The following ADAMTS20 variants were observed in gnomAD, a reference collection of about 807,000 sequenced individuals.
ADAMTS20 encodes the protein A disintegrin and metalloproteinase with thrombospondin motifs 20.
A neutral mutation model predicts 260.1 loss-of-function variants in ADAMTS20; 225 were observed. The ratio of observed to expected loss-of-function variants is 0.87; its 90% CI spans 0.78 to 0.97. The LOEUF (loss-of-function observed/expected upper bound fraction) is 0.97. ADAMTS20 is among the 50% of genes least tolerant of loss of function. The pLI, the probability that ADAMTS20 is intolerant of heterozygous loss-of-function variation, is 0.00. For synonymous variants in ADAMTS20, 802 were observed against 769.5 expected (o/e 1.04, Z -0.70); for missense variants, 2,400 against 2,337.7 (o/e 1.03, Z -0.55).
chr12:43,425,894 A>C (rs7132216), intron 27 of ADAMTS20, among the ~76,000 whole-genome samples: 32,435 of 152,012 alleles, frequency 0.21, 4,045 homozygotes, highest in African/African-American at 0.33. Flanking sequence ...CCTAGACAAA[A>C]AAATAAATCA....
At chr12:43,389,911 C>T (rs770111679) in intron 29 of ADAMTS20, among the ~76,000 whole-genome samples, 11 of 152,216 alleles carry the variant, frequency 7.2e-5, no homozygotes, top group Non-Finnish European at 1.6e-4. Flanking sequence ...GAAATTTAGG[C>T]GGAAGTTGCC....
At chr12:43,511,434 A>G (rs1008537124) in intron 3 of ADAMTS20, among the ~76,000 whole-genome samples, 4 of 152,046 alleles carry the variant, frequency 2.6e-5, no homozygotes, top group African/African-American at 9.7e-5. Flanking sequence ...GACTGAGAAC[A>G]CTGTTGGGCA....
At chr12:43,539,197 C>T (rs964533309) in intron 2 of ADAMTS20, among the ~76,000 whole-genome samples, 12 of 152,114 alleles carry the variant, frequency 7.9e-5, no homozygotes, top group Admixed American at 2.0e-4. Flanking sequence ...GTGATCCACC[C>T]GCCTTGGCCT....
intron 29 of ADAMTS20, among the ~76,000 whole-genome samples, chr12:43,395,677 CTT>C (rs5797860): frequency 0.11 from 10,127 of 90,860 alleles, 298 homozygotes; most frequent in Admixed American, 0.19. Context: ...GTGTGAGATT[CTT>C]TTTTTTTTTT....
intron 7 of ADAMTS20, among the ~76,000 whole-genome samples, chr12:43,482,949 G>C (rs1300374633): frequency 6.6e-6 from 1 of 152,142 alleles, no homozygotes; most frequent in Middle Eastern, 3.2e-3. Context: ...CACAACCTCA[G>C]CTGTCACCAC....
chr12:43,525,137 T>A (rs2137490144), intron 3 of ADAMTS20, among the ~76,000 whole-genome samples: 1 of 152,276 alleles, frequency 6.6e-6, no homozygotes, highest in South Asian at 2.1e-4. Flanking sequence ...GACAAAAGCA[T>A]CTGGGAACCT....
In ADAMTS20 at chr12:43,434,197, T is replaced by G. The variant is rs922596960; in HGVS notation, c.2720+48A>C. The G allele has an allele frequency of 3.3e-6, 5 of 1,515,096 alleles. No individual in the cohort carries two copies. The Admixed American group carries it at 1.0e-4, about 30-fold the overall frequency. The allele number at this position is 1,515,096 out of a possible 1,614,324, so 93.9% of individuals were successfully genotyped here. ...AGTCACTGTGTTAGACATTTTAATC[T>G]TAGCTCACTTATTAATCTGGTTATA... On this transcript the variant is annotated intron_variant, in intron 19 of 38. Transcript: ENST00000389420.
chr12:43,468,809 A>C (rs1942201641), intron 7 of ADAMTS20, 104 bp from the exon 8 acceptor site: 2 of 633,362 alleles, frequency 3.2e-6, no homozygotes, highest in Non-Finnish European at 5.4e-6. Flanking sequence ...TACTTAGAAA[A>C]GAATGCAGAA....
Position 43,502,177 on chromosome 12 carries a change from T to C in ADAMTS20, c.842A>G (p.Asn281Ser). The stretch of plus-strand genomic sequence containing the variant: ...AATTGACATTAGAGTCAGTATATAG[T>C]TTTGCAAATTCGATCCATGAGCAGA... Reference protein sequence around the residue: ...VVSAHGSNLQNYILTLMSIVA... With the variant: ...VVSAHGSNLQSYILTLMSIVA... The change falls in exon 4 of 39, where the codon AAC becomes AGC. Residue 281 changes from asparagine to serine, a missense_variant. Asn to Ser is a conservative substitution (Grantham distance 46). Coordinates refer to ENST00000389420, the MANE Select transcript of ADAMTS20 (RefSeq NM_025003.5). The C allele has an allele frequency of 1.2e-6, 2 of 1,604,786 alleles. No individual in the cohort carries two copies. Among genetic ancestry groups the C allele is most frequent in the East Asian group, 2.2e-5 (1 of 44,620 alleles).
chr12:43,433,558 T>C (rs961946623), intron 19 of ADAMTS20, among the ~76,000 whole-genome samples: 8 of 152,134 alleles, frequency 5.3e-5, no homozygotes, highest in Non-Finnish European at 1.2e-4. Flanking sequence ...GAAATTCTCA[T>C]CAAGTGAAAG....
chr12:43,539,596 CA>C (rs1198091684), intron 2 of ADAMTS20, among the ~76,000 whole-genome samples: 1 of 152,170 alleles, frequency 6.6e-6, no homozygotes, highest in Admixed American at 6.5e-5. Flanking sequence ...TTACTTTCAA[CA>C]AACACCAATA....
chr12:43,545,773 CT>C (rs147609489), intron 2 of ADAMTS20, among the ~76,000 whole-genome samples: 10 of 151,312 alleles, frequency 6.6e-5, no homozygotes, highest in African/African-American at 1.7e-4. Context: ...CATTCTCATC[CT>C]TTTTTTTTCC....
At chr12:43,534,312 G>T (rs1763030568) in intron 2 of ADAMTS20, among the ~76,000 whole-genome samples, 1 of 151,720 alleles carries the variant, frequency 6.6e-6, no homozygotes, top group Non-Finnish European at 1.5e-5. Context: ...CAAAAAGTGG[G>T]CGAAGGACAT....
At chr12:43,488,979 C>T (rs1288714874) in intron 7 of ADAMTS20, among the ~76,000 whole-genome samples, 1 of 151,968 alleles carries the variant, frequency 6.6e-6, no homozygotes, top group African/African-American at 2.4e-5. Context: ...ACTGCAATTA[C>T]CTTTCAGTTA....
At chr12:43,375,228 A>T in intron 36 of ADAMTS20, 151 bp downstream of exon 36, 2 of 534,168 alleles carry the variant, frequency 3.7e-6, no homozygotes, top group African/African-American at 2.0e-5. Context: ...CAGAGGAAGT[A>T]TGTAGCTAAC....
At chr12:43,412,226 A>G (rs1941045288) in intron 28 of ADAMTS20, among the ~76,000 whole-genome samples, 1 of 152,204 alleles carries the variant, frequency 6.6e-6, no homozygotes, top group Admixed American at 6.5e-5. Context: ...TACATTACAA[A>G]GCTTCAAATT....
chr12:43,386,579 C>G (rs539304026), intron 29 of ADAMTS20, among the ~76,000 whole-genome samples: 6 of 152,154 alleles, frequency 3.9e-5, no homozygotes, highest in Non-Finnish European at 8.8e-5. Context: ...CTAAAGAGTG[C>G]TTTCCAACTT....
At chr12:43,467,777 G>A (rs1196408736) in intron 8 of ADAMTS20, among the ~76,000 whole-genome samples, 4 of 152,106 alleles carry the variant, frequency 2.6e-5, no homozygotes, top group Non-Finnish European at 5.9e-5. Flanking sequence ...CTGAAGAGAT[G>A]ATCGTTTACT....
chr12:43,442,931 C>T (rs1035674201), intron 16 of ADAMTS20, among the ~76,000 whole-genome samples: 1 of 152,128 alleles, frequency 6.6e-6, no homozygotes, highest in Non-Finnish European at 1.5e-5. Context: ...AGAAGGAAAC[C>T]TTGTACTCAT....
Sources: gnomAD v4.1 joint callset for allele counts (sites outside exome capture counted in the v4.1 genomes callset) on GRCh38, gnomAD v4.1.1 for gene constraint, MANE v1.5 for transcripts, NCBI Gene and HGNC (gene_info 2026-07-23, HGNC 2026-07-21) for gene names.